The following ST6GALNAC3 variants were observed in gnomAD, a reference collection of about 807,000 sequenced individuals.
The protein encoded by ST6GALNAC3 is ST6 N-acetylgalactosaminide alpha-2,6-sialyltransferase 3.
In ST6GALNAC3, 25 loss-of-function variants were observed where a neutral mutation model predicts 32.7. That is an observed-to-expected ratio of 0.76 (90% CI 0.56 to 1.07). The LOEUF is 1.07. Ranked by LOEUF, ST6GALNAC3 falls within the 50% of genes least tolerant of loss-of-function variation. The pLI is 0.00. For missense variants in ST6GALNAC3, 355 were observed against 382.4 expected, an observed-to-expected ratio of 0.93 and a Z score of 0.60; for synonymous variants, 129 against 133.1, an observed-to-expected ratio of 0.97 and a Z score of 0.21.
intron 1 of ST6GALNAC3, among the ~76,000 whole-genome samples, chr1:76,169,586 G>T (rs1160949434): frequency 6.6e-6 from 1 of 152,096 alleles, no homozygotes; most frequent in African/African-American, 2.4e-5. Flanking sequence ...CTCTTTCAGG[G>T]ACATGAATAT....
intron 2 of ST6GALNAC3, among the ~76,000 whole-genome samples, chr1:76,318,157 G>A (rs1052450082): frequency 7.2e-5 from 11 of 152,008 alleles, no homozygotes; most frequent in African/African-American, 2.7e-4. Flanking sequence ...TATATTTCAA[G>A]CTGTTTATTT....
At chr1:76,478,125 A>C (rs1347609134) in intron 3 of ST6GALNAC3, among the ~76,000 whole-genome samples, 1 of 152,134 alleles carries the variant, frequency 6.6e-6, no homozygotes, top group African/African-American at 2.4e-5. Context: ...TCCAGGTCTC[A>C]TGAACATGCA....
chr1:76,180,916 G>A (rs916015613), intron 1 of ST6GALNAC3, among the ~76,000 whole-genome samples: 1 of 152,230 alleles, frequency 6.6e-6, no homozygotes, highest in Non-Finnish European at 1.5e-5. Context: ...GGATATGAAA[G>A]GTGTCACGCT....
At chr1:76,614,718 C>CAAAA (rs55744575) in intron 3 of ST6GALNAC3, among the ~76,000 whole-genome samples, 12 of 67,524 alleles carry the variant, frequency 1.8e-4, no homozygotes, top group African/African-American at 6.8e-4. Context: ...GACTCCATCT[C>CAAAA]AAAAAAAAAA....
At chr1:76,592,622 A>G (rs1400521465) in intron 3 of ST6GALNAC3, among the ~76,000 whole-genome samples, 2 of 152,210 alleles carry the variant, frequency 1.3e-5, no homozygotes, top group East Asian at 3.9e-4. Flanking sequence ...CCCTGGCTCT[A>G]TCACCGCCCA....
chr1:76,301,975 C>G (rs1217147915), intron 1 of ST6GALNAC3, among the ~76,000 whole-genome samples: 1 of 151,886 alleles, frequency 6.6e-6, no homozygotes, highest in African/African-American at 2.4e-5. Flanking sequence ...GTTATGCCTC[C>G]TTAAGGATGT....
At chr1:76,635,859 C>T (rs1335093292), downstream of ST6GALNAC3, among the ~76,000 whole-genome samples, 2 of 152,170 alleles carry the variant, frequency 1.3e-5, no homozygotes, top group Non-Finnish European at 2.9e-5. Flanking sequence ...ATGTATATCA[C>T]TCCACCCACA....
chr1:76,389,783 T>C (rs1281646231), intron 2 of ST6GALNAC3, among the ~76,000 whole-genome samples: 2 of 152,224 alleles, frequency 1.3e-5, no homozygotes, highest in Non-Finnish European at 2.9e-5. Context: ...TTGGACACAA[T>C]TTATCCATCA....
Position 76,580,626 on chromosome 1 carries a change from T to A in ST6GALNAC3, c.624-46826T>A, listed in dbSNP as rs555546819. Among the ~76,000 whole-genome samples the A allele has an allele frequency of 6.6e-5, 10 of 152,244 alleles. No homozygotes were observed. The South Asian group carries it at 1.9e-3, about 28-fold the overall frequency. Reference sequence around the variant, plus strand: ...CAGGTAGCAAATTGCTGTACTCTTTTTGTGTCTTCATCACTGTGTGGCTTG... The same window carrying A: ...CAGGTAGCAAATTGCTGTACTCTTTATGTGTCTTCATCACTGTGTGGCTTG... On this transcript the variant is annotated intron_variant, in intron 3 of 4. Transcript: ENST00000328299.
At chr1:76,260,872 C>T (rs191561193) in intron 1 of ST6GALNAC3, among the ~76,000 whole-genome samples, 6 of 151,792 alleles carry the variant, frequency 4.0e-5, no homozygotes, top group Middle Eastern at 3.4e-3. Context: ...CAAGGACATC[C>T]GTCCAAGTTA....
At chr1:76,319,195 G>A (rs1287676829) in intron 2 of ST6GALNAC3, among the ~76,000 whole-genome samples, 1 of 152,112 alleles carries the variant, frequency 6.6e-6, no homozygotes, top group African/African-American at 2.4e-5. Context: ...GAGGATTTCT[G>A]GTATTTGGGG....
At chr1:76,559,993 C>A (rs1665153894) in intron 3 of ST6GALNAC3, among the ~76,000 whole-genome samples, 1 of 152,056 alleles carries the variant, frequency 6.6e-6, no homozygotes, top group Non-Finnish European at 1.5e-5. Flanking sequence ...TACAATGGAG[C>A]TCCAATAAAG....
At chr1:76,189,241 T>C (rs747248772) in intron 1 of ST6GALNAC3, among the ~76,000 whole-genome samples, 3 of 152,244 alleles carry the variant, frequency 2.0e-5, no homozygotes, top group Admixed American at 6.5e-5. Flanking sequence ...TGTGTGCTCA[T>C]ATTCATGCAA....
chr1:76,538,809 C>T (rs139042778), intron 3 of ST6GALNAC3, among the ~76,000 whole-genome samples: 15 of 151,918 alleles, frequency 9.9e-5, no homozygotes, highest in East Asian at 3.9e-4. Flanking sequence ...ATAGCTAACA[C>T]GGTATGTGAA....
intron 1 of ST6GALNAC3, among the ~76,000 whole-genome samples, chr1:76,126,146 T>G (rs2100850361): frequency 6.6e-6 from 1 of 152,340 alleles, no homozygotes; most frequent in East Asian, 1.9e-4. Context: ...GTCTCGCTGA[T>G]AAGGAAGTTA....
intron 2 of ST6GALNAC3, among the ~76,000 whole-genome samples, chr1:76,337,493 G>T (rs1647597146): frequency 6.6e-6 from 1 of 152,060 alleles, no homozygotes; most frequent in South Asian, 2.1e-4. Flanking sequence ...CCTCCATTCG[G>T]GGGTGTCTTC....
At chr1:76,443,241 T>C (rs924454919) in intron 3 of ST6GALNAC3, among the ~76,000 whole-genome samples, 12 of 152,110 alleles carry the variant, frequency 7.9e-5, no homozygotes, top group Non-Finnish European at 1.6e-4. Context: ...GCAGCCTCAA[T>C]CTCTTTAGCT....
intron 1 of ST6GALNAC3, among the ~76,000 whole-genome samples, chr1:76,301,013 A>G (rs1166907634): frequency 1.3e-5 from 2 of 151,996 alleles, no homozygotes; most frequent in Non-Finnish European, 2.9e-5. Context: ...AAGGAAATTG[A>G]TGATCATTGA....
intron 3 of ST6GALNAC3, among the ~76,000 whole-genome samples, chr1:76,460,240 G>A (rs1658187841): frequency 6.6e-6 from 1 of 152,054 alleles, no homozygotes; most frequent in Admixed American, 6.6e-5. Context: ...TAATGACATT[G>A]AGCATTTTTT....
Sources: gnomAD v4.1 joint callset for allele counts (sites outside exome capture counted in the v4.1 genomes callset) on GRCh38, gnomAD v4.1.1 for gene constraint, MANE v1.5 for transcripts, NCBI Gene and HGNC (gene_info 2026-07-23, HGNC 2026-07-21) for gene names.